Variants in GPA33 observed in about 807,000 individuals in gnomAD.
GPA33 encodes cell surface A33 antigen.
Under a neutral mutation model 35.6 loss-of-function variants are expected in GPA33, and 27 were observed. That is an observed-to-expected ratio of 0.76 (90% confidence interval 0.56 to 1.04). The LOEUF (loss-of-function observed/expected upper bound fraction) is 1.04. Among genes scored for constraint, GPA33 ranks in the 50% least tolerant of loss-of-function variants. The pLI, the probability that GPA33 is intolerant of heterozygous loss-of-function variation, is 0.00. For missense variants in GPA33, 428 were observed against 411.9 expected (o/e 1.04, Z -0.34); for synonymous variants, 176 against 164.0 (o/e 1.07, Z -0.56).
intron 4 of GPA33, among the ~76,000 whole-genome samples, chr1:167,056,836 GGTGAGTGTGTAAT>G (rs1666308346): frequency 1.7e-4 from 1 of 6,030 alleles, no homozygotes; most frequent in Non-Finnish European, 3.3e-4. Flanking sequence ...TAGTGTGTGT[GGTGAGTGTGTAAT>G]GTGTGTGGTG....
intron 1 of GPA33, among the ~76,000 whole-genome samples, chr1:167,087,932 A>ACACACACACACAC (rs374217623): frequency 3.3e-5 from 5 of 151,784 alleles, no homozygotes; most frequent in African/African-American, 4.8e-5. Flanking sequence ...ACACACACAC[A>ACACACACACACAC]AAGCAGACCA....
rs1666759129 is a variant in GPA33, at chr1:167,073,407, T to A, written c.176A>T (p.Asp59Val). The change falls in exon 2 of 7, where the codon GAT (aspartate) becomes GTT (valine). Residue 59 changes from aspartate to valine, a missense_variant. Transcript: ENST00000367868. ...TSSREGLIQW[D>V]KLLLTHTERV... ...TACCGTATGAGTGAGGAGGAGCTTATCCCATTGAATAAGTCCCTCTCGACT... is the reference window on the plus strand; with the variant it reads ...TACCGTATGAGTGAGGAGGAGCTTAACCCATTGAATAAGTCCCTCTCGACT... 1 of 1,613,910 alleles carries A rather than the reference T, an allele frequency of 6.2e-7. No individual in the cohort carries two copies. Among genetic ancestry groups the A allele is most frequent in the Non-Finnish European group, 8.5e-7 (1 of 1,179,896 alleles).
intron 4 of GPA33, among the ~76,000 whole-genome samples, chr1:167,061,671 C>G (rs1001893637): frequency 7.1e-6 from 1 of 140,198 alleles, no homozygotes; most frequent in African/African-American, 2.7e-5. Flanking sequence ...GGCGCGATCT[C>G]GGCTCACTGC....
At chr1:167,082,218 C>A (rs1666963832) in intron 1 of GPA33, 1 of 455,116 alleles carries the variant, frequency 2.2e-6, no homozygotes, top group Non-Finnish European at 4.4e-6. Context: ...AGAAAATACA[C>A]CAAAATACAG....
At chr1:167,056,848 A>AGGGG (rs1666310290) in intron 4 of GPA33, among the ~76,000 whole-genome samples, 5 of 4,380 alleles carry the variant, frequency 1.1e-3, no homozygotes, top group Admixed American at 2.7e-3. Context: ...TGAGTGTGTA[A>AGGGG]TGTGTGTGGT....
Position 167,055,084 on chromosome 1 carries a change from CCCACAT to C in GPA33, c.713_718del (p.Tyr238_Gly240delinsCys), listed in dbSNP as rs1216194169. 1 of 1,612,674 alleles carries C rather than the reference CCCACAT, an allele frequency of 6.2e-7. No individual in the cohort carries two copies. Among genetic ancestry groups the C allele is most frequent in the Non-Finnish European group, 8.5e-7 (1 of 1,179,748 alleles). ...GGCTGCAACCACGCCCACCGCGATG[CCCACAT>C]ACAGGGCCACGTTCATGGAGGCTGC... On this transcript the variant is annotated inframe_deletion, in exon 6 of 7. Transcript: ENST00000367868.
rs80203542 is a variant in GPA33 at position 167,089,813 on chromosome 1, C to T, written c.43+432G>A. Among the ~76,000 whole-genome samples, 10 of 152,152 alleles carry T rather than the reference C, an allele frequency of 6.6e-5. No individual in the cohort carries two copies. In the East Asian group the frequency reaches 1.7e-3, roughly 27 times the overall value. On this transcript the variant is annotated intron_variant, in intron 1 of 6. Coordinates refer to ENST00000367868, the MANE Select transcript of GPA33 (RefSeq NM_005814.3). ...TCTGTGAATGATACGGGATAAGTTGCATTGTCTCTTCTGCCTCAGTTTCCT... is the reference window on the plus strand; with the variant it reads ...TCTGTGAATGATACGGGATAAGTTGTATTGTCTCTTCTGCCTCAGTTTCCT...
chr1:167,056,702 TGTGTGTAGTGTGTGTGTA>T, intron 4 of GPA33, among the ~76,000 whole-genome samples: 2 of 2,108 alleles, frequency 9.5e-4, no homozygotes, highest in African/African-American at 3.5e-3. Context: ...GGGTGTGTGG[TGTGTGTAGTGTGTGTGTA>T]GTGTGTGATG....
chr1:167,078,728 A>G (rs1167502800), intron 1 of GPA33: 2 of 152,226 alleles, frequency 1.3e-5, no homozygotes, highest in Non-Finnish European at 2.9e-5. Context: ...ATAGAATTTG[A>G]ATGCACAGAT....
intron 3 of GPA33, among the ~76,000 whole-genome samples, chr1:167,067,728 T>C (rs1378225382): frequency 6.6e-6 from 1 of 152,212 alleles, no homozygotes; most frequent in Non-Finnish European, 1.5e-5. Flanking sequence ...TGTGATGGAA[T>C]GTATGCTGTT....
Position 167,066,060 on chromosome 1 carries a change from C to T in GPA33, c.416-2323G>A, listed in dbSNP as rs1035530387. ...AGAGGTACGGGAGCATCCCTCTCCA[C>T]GCATCCAAACCATTCAGCCTTTTCC... On this transcript the variant is annotated intron_variant, in intron 3 of 6. Transcript: ENST00000367868. Among the ~76,000 whole-genome samples the T allele has an allele frequency of 5.9e-5, 9 of 152,210 alleles. No homozygotes were observed. The East Asian group carries it at 1.2e-3, about 20-fold the overall frequency.
chr1:167,063,783 T>C (rs1313508876), intron 3 of GPA33, 46 bp from the exon 4 acceptor site: 1 of 1,557,184 alleles, frequency 6.4e-7, no homozygotes, highest in Non-Finnish European at 8.8e-7. Flanking sequence ...CAGGTGGGGC[T>C]TGGTGACAGC....
chr1:167,066,287 C>T (rs1666590885), intron 3 of GPA33, among the ~76,000 whole-genome samples: 1 of 152,198 alleles, frequency 6.6e-6, no homozygotes, highest in South Asian at 2.1e-4. Context: ...CTGGCATCTA[C>T]AGAGCACTCA....
intron 4 of GPA33, among the ~76,000 whole-genome samples, chr1:167,059,574 A>C (rs1571304902): frequency 2.0e-5 from 3 of 147,392 alleles, no homozygotes; most frequent in Admixed American, 2.0e-4. Flanking sequence ...ACTGGTCCCC[A>C]CCCTTCACAA....
At chr1:167,054,870 G>T in intron 6 of GPA33, 106 bp downstream of exon 6, 1 of 1,279,830 alleles carries the variant, frequency 7.8e-7, no homozygotes, top group Non-Finnish European at 1.1e-6. Context: ...AAATGGGGGT[G>T]ATATACCCCA....
At chr1:167,081,889 C>T (rs1666956962) in intron 1 of GPA33, among the ~76,000 whole-genome samples, 2 of 152,162 alleles carry the variant, frequency 1.3e-5, no homozygotes, top group South Asian at 2.1e-4. Context: ...CTAATAAGGC[C>T]TTGTTGATTG....
chr1:167,062,529 C>T (rs1471307296), intron 4 of GPA33, among the ~76,000 whole-genome samples: 2 of 151,490 alleles, frequency 1.3e-5, no homozygotes, highest in Admixed American at 6.6e-5. Flanking sequence ...CAAGCCTTGT[C>T]TTTCTTGATC....
chr1:167,087,908 T>TCACACACACACACACACA (rs1491326252), intron 1 of GPA33, among the ~76,000 whole-genome samples: 16,764 of 148,936 alleles, frequency 0.11, 1,040 homozygotes, highest in Middle Eastern at 0.14. Flanking sequence ...CCAGACTCTG[T>TCACACACACACACACACA]CTCACACACA....
At position 167,090,260 on chromosome 1, in the gene GPA33, A is replaced by G; in HGVS notation, c.28T>C (p.Trp10Arg). ...GCCTACTCACCTGCACAGAGTGTCC[A>G]CAACACAGGCCACATCTTCCCCACC... MVGKMWPVL[W>R]TLCAVRVTVD... is the part of the protein sequence containing the mutation. The change falls in exon 1 of 7, where the codon TGG (tryptophan) becomes CGG (arginine). Residue 10 changes from tryptophan (W) to arginine (R), a missense_variant. Physicochemically the swap from Trp to Arg is moderately radical, Grantham distance 101 (BLOSUM62 -3). Transcript: ENST00000367868. 2 of 1,613,624 alleles carry G rather than the reference A, an allele frequency of 1.2e-6. No individual in the cohort carries two copies. Among genetic ancestry groups the G allele is most frequent in the Non-Finnish European group, 1.7e-6 (2 of 1,179,530 alleles).
Sources: gnomAD v4.1 joint callset for allele counts (sites outside exome capture counted in the v4.1 genomes callset) on GRCh38, gnomAD v4.1.1 for gene constraint, MANE v1.5 for transcripts, NCBI Gene and HGNC (gene_info 2026-07-23, HGNC 2026-07-21) for gene names.